FBXW8: variants seen among roughly 807,000 people sequenced by gnomAD.
The protein encoded by FBXW8 is F-box and WD repeat domain containing 8.
In FBXW8, 57 loss-of-function variants were observed where a neutral mutation model predicts 65.3. The observed-to-expected ratio is 0.87, with a 90% CI of 0.71 to 1.09. FBXW8 has a LOEUF of 1.09. FBXW8 is among the 50% of genes least tolerant of loss of function. The pLI, the probability that FBXW8 is intolerant of heterozygous loss-of-function variation, is 0.00. For synonymous variants in FBXW8, 308 were observed against 330.2 expected (o/e 0.93, Z 0.73); for missense variants, 777 against 814.8 (o/e 0.95, Z 0.57).
At chr12:117,027,577 G>T in intron 10 of FBXW8, 73 bp downstream of exon 10, 1 of 1,150,278 alleles carries the variant, frequency 8.7e-7, no homozygotes, top group Non-Finnish European at 1.3e-6. Flanking sequence ...CCCCCCCGCC[G>T]TGACACATTG....
chr12:116,998,522 A>G (rs1477593452), intron 7 of FBXW8, among the ~76,000 whole-genome samples: 1 of 152,168 alleles, frequency 6.6e-6, no homozygotes, highest in African/African-American at 2.4e-5. Flanking sequence ...TTCCTGGTTT[A>G]CCATCCTATA....
chr12:117,011,882 A>G (rs961976635), intron 8 of FBXW8, among the ~76,000 whole-genome samples: 1 of 152,192 alleles, frequency 6.6e-6, no homozygotes, highest in East Asian at 1.9e-4. Flanking sequence ...AAAATTCTAC[A>G]AAGTTCCAAA....
chr12:117,017,858 G>A (rs1172829051), intron 8 of FBXW8, among the ~76,000 whole-genome samples: 3 of 152,030 alleles, frequency 2.0e-5, no homozygotes, highest in African/African-American at 7.2e-5. Flanking sequence ...CAAGCCAATA[G>A]GAAGCACGCC....
chr12:117,012,135 C>T (rs751605874), intron 8 of FBXW8, among the ~76,000 whole-genome samples: 1 of 152,140 alleles, frequency 6.6e-6, no homozygotes, highest in Admixed American at 6.5e-5. Context: ...ACTGTATACA[C>T]TCAGTAAAGC....
At chr12:116,976,135 T>G (rs763560387) in intron 5 of FBXW8, among the ~76,000 whole-genome samples, 5 of 152,212 alleles carry the variant, frequency 3.3e-5, no homozygotes, top group Non-Finnish European at 5.9e-5. Context: ...GACTATCAAA[T>G]TACAGGATTA....
intron 2 of FBXW8, among the ~76,000 whole-genome samples, chr12:116,934,373 A>G (rs1882009814): frequency 6.6e-6 from 1 of 152,158 alleles, no homozygotes; most frequent in Non-Finnish European, 1.5e-5. Flanking sequence ...TTAGTAAGCA[A>G]AGTTACTTGT....
At chr12:116,982,308 T>A (rs74981165) in intron 5 of FBXW8, among the ~76,000 whole-genome samples, 3,572 of 152,280 alleles carry the variant, frequency 0.023, 86 homozygotes, top group South Asian at 0.057. Context: ...TGGGAGAAGT[T>A]CTGCATGCTA....
chr12:117,000,167 G>A (rs915417324), intron 7 of FBXW8, among the ~76,000 whole-genome samples: 3 of 152,098 alleles, frequency 2.0e-5, no homozygotes, highest in Non-Finnish European at 2.9e-5. Context: ...TAGTAGAGAC[G>A]TGGTTTCACC....
intron 4 of FBXW8, among the ~76,000 whole-genome samples, chr12:116,959,611 G>C (rs890437587): frequency 6.6e-6 from 1 of 152,230 alleles, no homozygotes; most frequent in Admixed American, 6.5e-5. Flanking sequence ...AAGAAAGGTT[G>C]TTTTTAGCTG....
chr12:116,981,488 A>C (rs1885298777), intron 5 of FBXW8, among the ~76,000 whole-genome samples: 1 of 152,270 alleles, frequency 6.6e-6, no homozygotes, highest in Non-Finnish European at 1.5e-5. Context: ...AAAAGTAATA[A>C]CAATGTATTT....
At chr12:116,940,585 A>C (rs1248050637) in intron 2 of FBXW8, among the ~76,000 whole-genome samples, 1 of 151,266 alleles carries the variant, frequency 6.6e-6, no homozygotes, top group Non-Finnish European at 1.5e-5. Context: ...GAGGAAGAGA[A>C]TGTGAACGGT....
At chr12:117,024,082 GT>G (rs889687751) in intron 8 of FBXW8, 64 bp from the exon 9 acceptor site, 105 of 1,557,704 alleles carry the variant, frequency 6.7e-5, no homozygotes, top group African/African-American at 4.7e-4. Flanking sequence ...TGGAGGGGGA[GT>G]TTGTCATTTG....
chr12:117,019,941 A>G (rs1265557302), intron 8 of FBXW8, among the ~76,000 whole-genome samples: 1 of 152,196 alleles, frequency 6.6e-6, no homozygotes, highest in Non-Finnish European at 1.5e-5. Flanking sequence ...ATGGGCCTCA[A>G]AAGCAGAGTA....
intron 4 of FBXW8, among the ~76,000 whole-genome samples, chr12:116,953,326 C>T (rs1381083898): frequency 5.3e-5 from 8 of 152,126 alleles, no homozygotes; most frequent in Non-Finnish European, 5.9e-5. Context: ...GCTGGGTGTG[C>T]GTGAGTGGAG....
chr12:116,935,370 G>T (rs1049243219), intron 2 of FBXW8, among the ~76,000 whole-genome samples: 2 of 152,206 alleles, frequency 1.3e-5, no homozygotes, highest in African/African-American at 2.4e-5. Context: ...TAATCTTAAT[G>T]AAGTCTGTGT....
intron 7 of FBXW8, among the ~76,000 whole-genome samples, chr12:116,996,287 C>T (rs960319263): frequency 6.6e-6 from 1 of 152,186 alleles, no homozygotes; most frequent in Non-Finnish European, 1.5e-5. Context: ...GCTTACATCA[C>T]GCTGGAAAAT....
intron 1 of FBXW8, among the ~76,000 whole-genome samples, chr12:116,912,274 A>G (rs938416004): frequency 3.3e-5 from 5 of 150,744 alleles, no homozygotes; most frequent in African/African-American, 4.9e-5. Flanking sequence ...TGCAGCCTCA[A>G]ACTGCCTGGC....
chr12:116,928,120 G>A lies in FBXW8; in HGVS notation c.416G>A (p.Cys139Tyr), dbSNP rs1482140971. The change falls in exon 2 of 11, where the codon TGT becomes TAT. Residue 139 changes from cysteine (C) to tyrosine (Y), a missense_variant. By Grantham distance (194) the Cys-to-Tyr change is radical. Transcript: ENST00000652555. ...QYLDRKELGR[C>Y]AQVSKTWKVI... ...CTGGACAGGAAAGAACTAGGAAGAT[G>A]TGCACAGGTAAGGTGTCACCAACAG... is the stretch of plus-strand genomic sequence containing the variant. The A allele has an allele frequency of 1.2e-6, 2 of 1,601,460 alleles. No individual in the cohort carries two copies. Among genetic ancestry groups the A allele is most frequent in the Non-Finnish European group, 1.7e-6 (2 of 1,170,156 alleles).
intron 1 of FBXW8, among the ~76,000 whole-genome samples, chr12:116,912,440 T>G (rs978768969): frequency 1.3e-5 from 2 of 149,360 alleles, no homozygotes; most frequent in Non-Finnish European, 3.0e-5. Context: ...TCCTCCCAAT[T>G]GAGAATCATT....
Sources: gnomAD v4.1 joint callset for allele counts (sites outside exome capture counted in the v4.1 genomes callset) on GRCh38, gnomAD v4.1.1 for gene constraint, MANE v1.5 for transcripts, NCBI Gene and HGNC (gene_info 2026-07-23, HGNC 2026-07-21) for gene names.